Variants in MDGA2 observed in about 807,000 individuals in gnomAD.
The protein encoded by MDGA2 is MAM domain containing glycosylphosphatidylinositol anchor 2.
Under a neutral mutation model 117.8 loss-of-function variants are expected in MDGA2, and 40 were observed. The ratio of observed to expected loss-of-function variants is 0.34; its 90% CI spans 0.26 to 0.44. The LOEUF is 0.44. MDGA2 is among the 20% of genes least tolerant of loss of function. MDGA2 has a pLI of 1.00. For synonymous variants in MDGA2, 452 were observed against 439.0 expected, an observed-to-expected ratio of 1.03 and a Z score of -0.37; for missense variants, 1,123 against 1,250.6, an observed-to-expected ratio of 0.90 and a Z score of 1.54.
At chr14:47,564,086 T>C (rs1326125082) in intron 1 of MDGA2, among the ~76,000 whole-genome samples, 3 of 152,180 alleles carry the variant, frequency 2.0e-5, no homozygotes, top group African/African-American at 7.2e-5. Context: ...TAGGCCCTCA[T>C]CTCTTTTGGC....
chr14:47,309,250 G>T (rs979098377), intron 1 of MDGA2, among the ~76,000 whole-genome samples: 4 of 152,004 alleles, frequency 2.6e-5, no homozygotes, highest in Admixed American at 2.0e-4. Flanking sequence ...GATTCCATTG[G>T]TTATTTTAAA....
intron 1 of MDGA2, among the ~76,000 whole-genome samples, chr14:47,530,986 C>T (rs1456996652): frequency 2.6e-5 from 4 of 152,152 alleles, no homozygotes; most frequent in East Asian, 3.9e-4. Context: ...GAGCTCATGC[C>T]TGTAATCCCA....
At chr14:47,227,274 C>A (rs940347661) in intron 2 of MDGA2, among the ~76,000 whole-genome samples, 1 of 152,044 alleles carries the variant, frequency 6.6e-6, no homozygotes, top group Non-Finnish European at 1.5e-5. Context: ...TATTCCCTAC[C>A]CCTGTGACTC....
intron 2 of MDGA2, among the ~76,000 whole-genome samples, chr14:47,220,403 G>T (rs560425445): frequency 6.6e-6 from 1 of 152,284 alleles, no homozygotes; most frequent in African/African-American, 2.4e-5. Context: ...CCACATGGCT[G>T]CCCAGGATAA....
intron 2 of MDGA2, among the ~76,000 whole-genome samples, chr14:47,271,527 T>G (rs1260955183): frequency 6.6e-6 from 1 of 152,058 alleles, no homozygotes; most frequent in Non-Finnish European, 1.5e-5. Context: ...ACAGACTGAT[T>G]TGAAAGATGC....
At chr14:47,465,223 A>G (rs779409137) in intron 1 of MDGA2, among the ~76,000 whole-genome samples, 4 of 152,204 alleles carry the variant, frequency 2.6e-5, no homozygotes, top group Non-Finnish European at 5.9e-5. Context: ...TAAACTCACA[A>G]AAACCCTGGC....
chr14:47,029,207 T>C (rs1206780480), intron 8 of MDGA2, among the ~76,000 whole-genome samples: 1 of 152,126 alleles, frequency 6.6e-6, no homozygotes, highest in Non-Finnish European at 1.5e-5. Context: ...TAAAAGTAAC[T>C]AGCATACTCT....
At chr14:47,092,723 A>C (rs1035147948) in intron 6 of MDGA2, among the ~76,000 whole-genome samples, 43 of 152,110 alleles carry the variant, frequency 2.8e-4, no homozygotes, top group South Asian at 2.1e-4. Flanking sequence ...GTGCTCTCAT[A>C]GTCTATTGGT....
In MDGA2 at chr14:47,144,093, T is replaced by C; in HGVS notation, c.777A>G (p.Glu259=). The C allele has an allele frequency of 6.5e-7, 1 of 1,549,146 alleles. No individual in the cohort carries two copies. Residue 259 remains glutamate (E), a synonymous_variant, in exon 4 of 17, where the codon GAA becomes GAG. Coordinates refer to ENST00000399232, the MANE Select transcript of MDGA2 (RefSeq NM_001113498.3). The stretch of plus-strand genomic sequence containing the variant: ...TAATTCATACCTGGGTAAAGAATGG[T>C]TCATAAATCTCAACTCCTTTATCAG... The part of the protein sequence containing the change: ...QGSDKGVEIY[E]PFFTQGETKI...
At chr14:47,486,228 T>C (rs1196342787) in intron 1 of MDGA2, among the ~76,000 whole-genome samples, 12 of 152,196 alleles carry the variant, frequency 7.9e-5, no homozygotes, top group Non-Finnish European at 1.8e-4. Context: ...ATGTGAGACA[T>C]GGAAGCAAAG....
chr14:46,928,490 T>C (rs1190308644), intron 9 of MDGA2, among the ~76,000 whole-genome samples: 1 of 152,268 alleles, frequency 6.6e-6, no homozygotes, highest in Admixed American at 6.5e-5. Context: ...TCTAATAACA[T>C]TGAATCTCAC....
chr14:47,396,509 G>A (rs1892012452), intron 1 of MDGA2, among the ~76,000 whole-genome samples: 1 of 152,158 alleles, frequency 6.6e-6, no homozygotes, highest in Admixed American at 6.5e-5. Context: ...AAACTGAAGA[G>A]CTTCTGCACA....
intron 5 of MDGA2, among the ~76,000 whole-genome samples, chr14:47,101,125 AC>A (rs768648445): frequency 0.088 from 5,443 of 61,650 alleles, 153 homozygotes; most frequent in Non-Finnish European, 0.1. Flanking sequence ...AGATAGATAG[AC>A]AGATAGATAG....
intron 8 of MDGA2, among the ~76,000 whole-genome samples, chr14:46,995,161 C>A (rs1483615224): frequency 6.6e-6 from 1 of 151,942 alleles, no homozygotes; most frequent in African/African-American, 2.4e-5. Flanking sequence ...TTAAGTAAAA[C>A]AAAACAAAAA....
chr14:47,173,917 G>C (rs1884307888), intron 3 of MDGA2, among the ~76,000 whole-genome samples: 1 of 152,070 alleles, frequency 6.6e-6, no homozygotes, highest in Admixed American at 6.6e-5. Flanking sequence ...CATGCGCAGA[G>C]ACACACATAG....
At chr14:47,050,437 T>A (rs1889416886) in intron 7 of MDGA2, among the ~76,000 whole-genome samples, 1 of 152,044 alleles carries the variant, frequency 6.6e-6, no homozygotes, top group Admixed American at 6.6e-5. Flanking sequence ...ATGGCAACAC[T>A]TTGTATCTTA....
At chr14:46,934,941 T>C (rs1358980168) in intron 9 of MDGA2, among the ~76,000 whole-genome samples, 1 of 152,072 alleles carries the variant, frequency 6.6e-6, no homozygotes, top group Non-Finnish European at 1.5e-5. Context: ...TGGGTCAATT[T>C]TGCGATTCTC....
chr14:47,638,249 A>G (rs1288598706), intron 1 of MDGA2, among the ~76,000 whole-genome samples: 1 of 152,184 alleles, frequency 6.6e-6, no homozygotes, highest in South Asian at 2.1e-4. Context: ...ATCAATCAAA[A>G]TAAATTTAAT....
intron 14 of MDGA2, among the ~76,000 whole-genome samples, chr14:46,864,124 C>T (rs889874989): frequency 2.4e-5 from 3 of 126,278 alleles, no homozygotes; most frequent in African/African-American, 9.2e-5. Flanking sequence ...AGTGTTAAAA[C>T]AGTCCAGTGC....
Sources: gnomAD v4.1 joint callset for allele counts (sites outside exome capture counted in the v4.1 genomes callset) on GRCh38, gnomAD v4.1.1 for gene constraint, MANE v1.5 for transcripts, NCBI Gene and HGNC (gene_info 2026-07-23, HGNC 2026-07-21) for gene names.